Variants in FBXW7 observed in about 807,000 individuals in gnomAD.
The protein encoded by FBXW7 is F-box/WD repeat-containing protein 7.
FBXW7 carries 11 observed loss-of-function variants against 86.3 expected under a neutral mutation model. The ratio of observed to expected loss-of-function variants is 0.13; its 90% CI spans 0.08 to 0.21. The LOEUF (loss-of-function observed/expected upper bound fraction) is 0.21. FBXW7 is among the 10% of genes least tolerant of loss of function. The pLI is 1.00. For synonymous variants in FBXW7, 313 were observed against 297.9 expected (o/e 1.05, Z -0.52); for missense variants, 488 against 847.4 (o/e 0.58, Z 5.27).
intron 2 of FBXW7, among the ~76,000 whole-genome samples, chr4:152,466,399 AC>A (rs1196218681): frequency 6.6e-6 from 1 of 152,044 alleles, no homozygotes; most frequent in Non-Finnish European, 1.5e-5. Flanking sequence ...TTCTAAAAAT[AC>A]AAAAATTAGT....
intron 6 of FBXW7, among the ~76,000 whole-genome samples, chr4:152,346,103 G>A (rs1297572631): frequency 1.3e-5 from 2 of 152,014 alleles, no homozygotes; most frequent in Admixed American, 6.6e-5. Context: ...TTATCTTACT[G>A]GAAGAAGAGA....
intron 13 of FBXW7, 78 bp downstream of exon 13, chr4:152,324,106 G>C (rs1728794613): frequency 2.6e-6 from 3 of 1,132,630 alleles, no homozygotes; most frequent in Non-Finnish European, 3.9e-6. Context: ...GACTCTTTTT[G>C]TGATGCTAAG....
At chr4:152,417,331 C>A (rs1738529040) in intron 2 of FBXW7, among the ~76,000 whole-genome samples, 3 of 152,142 alleles carry the variant, frequency 2.0e-5, no homozygotes, top group Non-Finnish European at 4.4e-5. Context: ...TGAATGGAAT[C>A]ATATTCTAGC....
chr4:152,341,125 A>G (rs750333377), intron 6 of FBXW7, among the ~76,000 whole-genome samples: 4 of 152,150 alleles, frequency 2.6e-5, no homozygotes, highest in African/African-American at 4.8e-5. Flanking sequence ...TCTTCGTTCT[A>G]TTCTCCACAC....
Position 152,487,422 on chromosome 4 carries a change from C to A in FBXW7, c.-120+47519G>T, listed in dbSNP as rs987394231. Among the ~76,000 whole-genome samples, 12 of 151,866 alleles carry A rather than the reference C, an allele frequency of 7.9e-5. 1 individual carries two copies. Among genetic ancestry groups the A allele is most frequent in the African/African-American group, 2.2e-4 (9 of 41,386 alleles). On this transcript the variant is annotated intron_variant, in intron 2 of 13. Transcript: ENST00000281708. ...ACAAACTTTAAGTACATACAAATAT[C>A]AACATGAATAAATCTTGATGTAAAT...
chr4:152,426,665 G>C (rs540271764), intron 2 of FBXW7, among the ~76,000 whole-genome samples: 1 of 152,098 alleles, frequency 6.6e-6, no homozygotes, highest in African/African-American at 2.4e-5. Context: ...ATAACCGGCC[G>C]CCCAGCAGAT....
intron 2 of FBXW7, among the ~76,000 whole-genome samples, chr4:152,496,508 T>C (rs1321132436): frequency 6.6e-6 from 1 of 151,682 alleles, no homozygotes; most frequent in Non-Finnish European, 1.5e-5. Flanking sequence ...CGAAACCCTG[T>C]CTCTACTAAA....
intron 6 of FBXW7, 187 bp from the exon 7 acceptor site, chr4:152,338,123 C>T (rs1401225667): frequency 5.0e-6 from 2 of 397,824 alleles, no homozygotes; most frequent in Admixed American, 8.7e-5. Context: ...CACTTACCAA[C>T]AACTTTTATT....
Position 152,503,301 on chromosome 4 carries a change from C to T in FBXW7, c.-120+31640G>A, listed in dbSNP as rs752496462. Reference sequence around the variant, plus strand: ...TAAATTTTTTTTTTTGAGACAGTCTCGCTCTGTTGCCCTGGCTGGAGTGCA... The same window carrying T: ...TAAATTTTTTTTTTTGAGACAGTCTTGCTCTGTTGCCCTGGCTGGAGTGCA... On this transcript the variant is annotated intron_variant, in intron 2 of 13. Coordinates refer to ENST00000281708, the MANE Select transcript of FBXW7 (RefSeq NM_001349798.2). 9.2e-5 allele frequency among the ~76,000 whole-genome samples: 14 copies of T among 151,670 alleles called. 1 individual carries two copies. Among genetic ancestry groups the T allele is most frequent in the African/African-American group, 1.2e-4 (5 of 41,240 alleles).
chr4:152,518,628 C>T (rs1456588277), intron 2 of FBXW7, among the ~76,000 whole-genome samples: 1 of 152,144 alleles, frequency 6.6e-6, no homozygotes, highest in Non-Finnish European at 1.5e-5. Flanking sequence ...TTGCATGTAA[C>T]TTTTGATAAA....
chr4:152,513,734 T>A (rs1469243621), intron 2 of FBXW7, among the ~76,000 whole-genome samples: 1 of 152,244 alleles, frequency 6.6e-6, no homozygotes, highest in Non-Finnish European at 1.5e-5. Flanking sequence ...GTACTTACCT[T>A]TATAAAAATA....
intron 4 of FBXW7, among the ~76,000 whole-genome samples, chr4:152,410,343 G>A (rs897821723): frequency 6.6e-6 from 1 of 152,156 alleles, no homozygotes; most frequent in Admixed American, 6.5e-5. Context: ...TAACAAAGTG[G>A]TGCTATAGTT....
At chr4:152,383,603 T>A (rs956180704) in intron 4 of FBXW7, among the ~76,000 whole-genome samples, 6 of 152,254 alleles carry the variant, frequency 3.9e-5, no homozygotes, top group African/African-American at 1.4e-4. Flanking sequence ...GCTCCACTTA[T>A]CTCTCCTTCC....
chr4:152,329,827 T>C (rs372149288), intron 9 of FBXW7, 42 bp from the exon 10 acceptor site: 14 of 1,171,818 alleles, frequency 1.2e-5, no homozygotes, highest in Non-Finnish European at 1.6e-5. Flanking sequence ...TTAATTAAAT[T>C]ATGTTCTTTA....
intron 2 of FBXW7, among the ~76,000 whole-genome samples, chr4:152,442,790 A>T (rs2126989136): frequency 6.6e-6 from 1 of 152,366 alleles, no homozygotes; most frequent in Non-Finnish European, 1.5e-5. Context: ...ACCAACAAGG[A>T]CAGTATCAGG....
At chr4:152,409,534 G>A (rs1737735101) in intron 4 of FBXW7, among the ~76,000 whole-genome samples, 1 of 152,002 alleles carries the variant, frequency 6.6e-6, no homozygotes, top group African/African-American at 2.4e-5. Flanking sequence ...TGGCAGAAGG[G>A]TTTCAGGAAT....
At chr4:152,382,891 C>A (rs924655243) in intron 4 of FBXW7, among the ~76,000 whole-genome samples, 1 of 151,962 alleles carries the variant, frequency 6.6e-6, no homozygotes, top group African/African-American at 2.4e-5. Context: ...TTAAAAAAAA[C>A]ACACACACAT....
intron 6 of FBXW7, 29 bp from the exon 7 acceptor site, chr4:152,337,965 GT>G: frequency 1.3e-6 from 2 of 1,577,970 alleles, no homozygotes; most frequent in African/African-American, 2.7e-5. Context: ...AATTTTTATT[GT>G]TTTAACAGAT....
At chr4:152,437,850 G>T (rs1040774304) in intron 2 of FBXW7, among the ~76,000 whole-genome samples, 11 of 152,270 alleles carry the variant, frequency 7.2e-5, no homozygotes, top group African/African-American at 2.6e-4. Context: ...CTCCCTGAAG[G>T]CTCAGGTGAT....
Sources: allele counts gnomAD v4.1 joint callset (sites outside exome capture counted in the v4.1 genomes callset), GRCh38; gene constraint gnomAD v4.1.1; transcripts MANE v1.5; gene names NCBI Gene and HGNC (gene_info 2026-07-23, HGNC 2026-07-21).